YTHDF3: variants seen among roughly 807,000 people sequenced by gnomAD.
YTHDF3 encodes the protein YTH N6-methyladenosine RNA binding protein F3.
Under a neutral mutation model 52.5 loss-of-function variants are expected in YTHDF3, and 9 were observed. The observed-to-expected ratio is 0.17, with a 90% CI of 0.10 to 0.30. The LOEUF is 0.30. YTHDF3 is among the 10% of genes least tolerant of loss of function. The pLI is 1.00. For synonymous variants in YTHDF3, 274 were observed against 243.3 expected (o/e 1.13, Z -1.18); for missense variants, 534 against 715.0 (o/e 0.75, Z 2.89).
chr8:63,190,909 A>G (rs1808871779), intron 4 of YTHDF3, among the ~76,000 whole-genome samples: 1 of 151,988 alleles, frequency 6.6e-6, no homozygotes, highest in Admixed American at 6.6e-5. Flanking sequence ...TGCCTAACCC[A>G]CCTTTGACAG....
rs1328292355 is a variant in YTHDF3, at chr8:63,186,867, G to A, written c.856G>A (p.Val286Ile). The A allele has an allele frequency of 1.4e-5, 23 of 1,613,852 alleles. No homozygotes were observed. Among genetic ancestry groups the A allele is most frequent in the Non-Finnish European group, 1.9e-5 (23 of 1,179,902 alleles). ...AACTTGGGATGAAAAAGGGTCAGTG[G>A]TAAAGGCTCCACCAACCCAACCAGT... Reference protein sequence around the residue: ...IGTWDEKGSVVKAPPTQPVLP... With the variant: ...IGTWDEKGSVIKAPPTQPVLP... Residue 286 changes from valine to isoleucine, a missense_variant, in exon 4 of 5, where the codon GTA becomes ATA. Around this residue, in one of 3 missense-constraint regions of YTHDF3, gnomAD observed 203 missense variants for 201.3 expected, o/e 1.01. Coordinates refer to ENST00000539294, the MANE Select transcript of YTHDF3 (RefSeq NM_152758.6).
intron 4 of YTHDF3, among the ~76,000 whole-genome samples, chr8:63,194,782 C>G (rs1809131007): frequency 6.6e-6 from 1 of 152,150 alleles, no homozygotes; most frequent in African/African-American, 2.4e-5. Flanking sequence ...AAGGATCTAA[C>G]TTGGTTACAA....
intron 4 of YTHDF3, among the ~76,000 whole-genome samples, chr8:63,207,415 A>T (rs1381510775): frequency 1.3e-5 from 2 of 152,076 alleles, no homozygotes; most frequent in African/African-American, 4.8e-5. Flanking sequence ...TGTGACTCCT[A>T]GTTTAAACGT....
chr8:63,178,247 G>T (rs552601781), intron 3 of YTHDF3, among the ~76,000 whole-genome samples: 1 of 152,216 alleles, frequency 6.6e-6, no homozygotes, highest in African/African-American at 2.4e-5. Flanking sequence ...GTATTCCATA[G>T]AGGCACCTTA....
chr8:63,182,183 C>T (rs1255750412), intron 3 of YTHDF3, among the ~76,000 whole-genome samples: 1 of 151,294 alleles, frequency 6.6e-6, no homozygotes, highest in Non-Finnish European at 1.5e-5. Flanking sequence ...ATCCTCCCAC[C>T]TCACCTCCCA....
At chr8:63,174,781 A>G (rs1807576250) in intron 2 of YTHDF3, among the ~76,000 whole-genome samples, 2 of 152,212 alleles carry the variant, frequency 1.3e-5, no homozygotes, top group South Asian at 4.1e-4. Context: ...TTTCATAATT[A>G]TAAGTCTATT....
chr8:63,196,517 G>GC (rs1361431252), intron 4 of YTHDF3, among the ~76,000 whole-genome samples: 1 of 150,880 alleles, frequency 6.6e-6, no homozygotes, highest in African/African-American at 2.4e-5. Context: ...AGCCAAGATT[G>GC]CGCCACTGCA....
In YTHDF3 at chr8:63,209,837, T is replaced by C. The variant is rs1810276815; in HGVS notation, c.*131T>C. ...CATCTTTGAACACTTTAACACAAAG[T>C]TGACTCTTCTCGTAATGGTTTTCAT... On this transcript the variant is annotated 3_prime_UTR_variant, in exon 5 of 5. Coordinates refer to ENST00000539294, the MANE Select transcript of YTHDF3 (RefSeq NM_152758.6). 4 of 876,842 alleles carry C rather than the reference T, an allele frequency of 4.6e-6. No individual in the cohort carries two copies. Among genetic ancestry groups the C allele is most frequent in the Non-Finnish European group, 6.8e-6 (4 of 589,132 alleles). 54.3% of individuals were successfully genotyped at this position (876,842 alleles called of 1,614,324 possible).
chr8:63,172,391 C>T (rs1188800050), intron 2 of YTHDF3, among the ~76,000 whole-genome samples: 1 of 152,150 alleles, frequency 6.6e-6, no homozygotes, highest in Non-Finnish European at 1.5e-5. Context: ...CCTCTCCGCT[C>T]TCTTCCAACG....
chr8:63,192,513 C>G (rs1808977371), intron 4 of YTHDF3, among the ~76,000 whole-genome samples: 1 of 152,216 alleles, frequency 6.6e-6, no homozygotes, highest in African/African-American at 2.4e-5. Context: ...TTTGAAACCA[C>G]TGTGTTAGAA....
intron 4 of YTHDF3, among the ~76,000 whole-genome samples, chr8:63,203,381 TACAC>T (rs756098968): frequency 2.2e-4 from 33 of 152,240 alleles, no homozygotes; most frequent in Middle Eastern, 6.8e-3. Flanking sequence ...AGAATATATA[TACAC>T]ACACACATAT....
intron 4 of YTHDF3, among the ~76,000 whole-genome samples, chr8:63,203,340 C>T (rs1809767935): frequency 6.6e-6 from 1 of 151,674 alleles, no homozygotes; most frequent in South Asian, 2.1e-4. Flanking sequence ...TAAGGATAAG[C>T]AGGACAACCA....
rs972262223 is a variant in YTHDF3, at chr8:63,183,983, C to T, written c.136-2164C>T. On this transcript the variant is annotated intron_variant, in intron 3 of 4. Coordinates refer to ENST00000539294, the MANE Select transcript of YTHDF3 (RefSeq NM_152758.6). The stretch of plus-strand genomic sequence containing the variant: ...TCTGGGTTATTTATAATACCTAATA[C>T]AGTGTAAATGGTTTGTAAGTGGTTA... Among the ~76,000 whole-genome samples, 3 of 152,070 alleles carry T rather than the reference C, an allele frequency of 2.0e-5. No homozygotes were observed. The East Asian group carries it at 5.8e-4, about 29-fold the overall frequency.
intron 4 of YTHDF3, among the ~76,000 whole-genome samples, chr8:63,202,412 G>A (rs1809696625): frequency 6.6e-6 from 1 of 151,780 alleles, no homozygotes; most frequent in East Asian, 1.9e-4. Context: ...ATATGTGCAG[G>A]CTTTTGAGCA....
At position 63,209,665 on chromosome 8, in the gene YTHDF3, G is replaced by GT; in HGVS notation, c.1735-17dup. 3.3e-6 allele frequency: 5 copies of GT among 1,536,806 alleles called. No homozygotes were observed. Among genetic ancestry groups the GT allele is most frequent in the Admixed American group, 2.0e-5 (1 of 50,252 alleles). ...TCATTGTAATTCTTTTTGTGTGTGTGTGTTTTTTTTTTTTCAGGAGAGAAA... is the reference window on the plus strand; with the variant it reads ...TCATTGTAATTCTTTTTGTGTGTGTGTTGTTTTTTTTTTTTCAGGAGAGAAA... On this transcript the variant is annotated splice_polypyrimidine_tract_variant and intron_variant, in intron 4 of 4. Transcript: ENST00000539294.
intron 4 of YTHDF3, among the ~76,000 whole-genome samples, chr8:63,197,322 G>C (rs1057265001): frequency 6.6e-6 from 1 of 152,074 alleles, no homozygotes; most frequent in African/African-American, 2.4e-5. Flanking sequence ...TTCTTTATAG[G>C]TGTAATCGCT....
At chr8:63,209,569 C>A in intron 4 of YTHDF3, 114 bp from the exon 5 acceptor site, 3 of 1,055,228 alleles carry the variant, frequency 2.8e-6, no homozygotes, top group African/African-American at 1.6e-5. Flanking sequence ...TGAATTAGTA[C>A]TTGAACTTTA....
At position 63,186,776 on chromosome 8, in the gene YTHDF3, G is replaced by T; in HGVS notation, c.765G>T (p.Lys255Asn). The change falls in exon 4 of 5, where the codon AAG becomes AAT. Residue 255 changes from lysine to asparagine, a missense_variant. Lys to Asn is a moderately conservative substitution (Grantham distance 94). Coordinates refer to ENST00000539294, the MANE Select transcript of YTHDF3 (RefSeq NM_152758.6). ...AACCTCAACCGAAACTTAAACCCAAGGGCAATGTGGGAATTGGGGGTTCTG... is the reference window on the plus strand; with the variant it reads ...AACCTCAACCGAAACTTAAACCCAATGGCAATGTGGGAATTGGGGGTTCTG... ...PAKPQPKLKPKGNVGIGGSAV... is the reference protein window; with the variant it reads ...PAKPQPKLKPNGNVGIGGSAV... The T allele has an allele frequency of 3.7e-6, 6 of 1,613,874 alleles. No individual in the cohort carries two copies. The highest frequency in any genetic ancestry group is 5.1e-6 in the Non-Finnish European group (6 of 1,179,882).
At chr8:63,204,662 C>T (rs951790911) in intron 4 of YTHDF3, among the ~76,000 whole-genome samples, 1 of 152,166 alleles carries the variant, frequency 6.6e-6, no homozygotes, top group African/African-American at 2.4e-5. Flanking sequence ...GCGCACCTGG[C>T]TTGTTTGTTG....
Sources: allele counts gnomAD v4.1 joint callset (sites outside exome capture counted in the v4.1 genomes callset), GRCh38; gene constraint gnomAD v4.1.1; regional missense constraint gnomAD v4.1.1; transcripts MANE v1.5; gene names NCBI Gene and HGNC (gene_info 2026-07-23, HGNC 2026-07-21).